Variants in CADM1 observed in about 807,000 individuals in gnomAD.
The protein encoded by CADM1 is cell adhesion molecule 1, also known as TSLC-1.
In CADM1, 15 loss-of-function variants were observed where a neutral mutation model predicts 53.1. That is an observed-to-expected ratio of 0.28 (90% CI 0.19 to 0.44). The LOEUF is 0.44. Among genes scored for constraint, CADM1 ranks in the 20% least tolerant of loss-of-function variants. CADM1 has a pLI of 1.00. For synonymous variants in CADM1, 281 were observed against 243.0 expected, an observed-to-expected ratio of 1.16 and a Z score of -1.45; for missense variants, 434 against 611.3, an observed-to-expected ratio of 0.71 and a Z score of 3.06.
chr11:115,232,257 C>CT (rs1941846483), intron 3 of CADM1, among the ~76,000 whole-genome samples: 1 of 152,114 alleles, frequency 6.6e-6, no homozygotes. Flanking sequence ...AGATAAAAAT[C>CT]TTTGAGTCCC....
At chr11:115,496,783 C>A (rs915377372) in intron 1 of CADM1, among the ~76,000 whole-genome samples, 2 of 151,982 alleles carry the variant, frequency 1.3e-5, no homozygotes, top group Non-Finnish European at 1.5e-5. Context: ...TATTTCAGTG[C>A]AAGCAGGAAA....
chr11:115,276,250 A>C (rs1943440244), intron 1 of CADM1, among the ~76,000 whole-genome samples: 1 of 152,222 alleles, frequency 6.6e-6, no homozygotes, highest in Non-Finnish European at 1.5e-5. Context: ...TTTAATTTCC[A>C]CTTGCAATGC....
chr11:115,220,180 G>A (rs755427190), intron 5 of CADM1, among the ~76,000 whole-genome samples: 5 of 152,038 alleles, frequency 3.3e-5, no homozygotes, highest in Non-Finnish European at 7.4e-5. Context: ...TTTCCTTAAT[G>A]TAATTTACAA....
intron 1 of CADM1, among the ~76,000 whole-genome samples, chr11:115,273,316 A>AT (rs1041269759): frequency 9.2e-5 from 14 of 152,182 alleles, no homozygotes; most frequent in Non-Finnish European, 1.3e-4. Flanking sequence ...GTGGTGGTTT[A>AT]TTTTTTTTCC....
At chr11:115,190,962 GT>G (rs1565287598) in intron 9 of CADM1, 21 bp from the exon 10 acceptor site, 6 of 1,577,616 alleles carry the variant, frequency 3.8e-6, no homozygotes. Context: ...AAAACAAATC[GT>G]TTTTCTTTTC....
At chr11:115,231,583 G>A in intron 3 of CADM1, 93 bp from the exon 4 acceptor site, 1 of 1,196,638 alleles carries the variant, frequency 8.4e-7, no homozygotes, top group Non-Finnish European at 1.2e-6. Context: ...TTCCTGATGG[G>A]AATTTAAATC....
chr11:115,315,843 C>G (rs1237971213), intron 1 of CADM1, among the ~76,000 whole-genome samples: 1 of 152,154 alleles, frequency 6.6e-6, no homozygotes, highest in Non-Finnish European at 1.5e-5. Flanking sequence ...CTTTCTTTCC[C>G]ATTTTAGTTA....
chr11:115,232,218 A>C (rs10458968), intron 3 of CADM1, among the ~76,000 whole-genome samples: 1 of 152,134 alleles, frequency 6.6e-6, no homozygotes, highest in Admixed American at 6.5e-5. Flanking sequence ...TCAATCTTCA[A>C]ATGAAAGATT....
intron 9 of CADM1, among the ~76,000 whole-genome samples, chr11:115,191,543 G>C (rs1372146826): frequency 6.6e-6 from 1 of 152,116 alleles, no homozygotes; most frequent in Non-Finnish European, 1.5e-5. Flanking sequence ...AACCCTCAAA[G>C]CTGAAAAAGC....
intron 1 of CADM1, among the ~76,000 whole-genome samples, chr11:115,338,891 AAT>A (rs1565373783): frequency 6.1e-5 from 4 of 65,674 alleles, no homozygotes; most frequent in East Asian, 3.3e-4. Flanking sequence ...TTTTTTTTTT[AAT>A]TTTTTTTTTT....
At position 115,209,663 on chromosome 11, in the gene CADM1, T is replaced by G; in HGVS notation, c.995-6A>C. 1 of 1,609,834 alleles carries G rather than the reference T, an allele frequency of 6.2e-7. No homozygotes were observed. The highest frequency in any genetic ancestry group is 1.7e-4 in the Middle Eastern group (1 of 6,018). ...AGGGATAGTTGTGGGGGGATCTGGATAGAAAAAAAAAGGAAAATCAAACCC... is the reference window on the plus strand; with the variant it reads ...AGGGATAGTTGTGGGGGGATCTGGAGAGAAAAAAAAAGGAAAATCAAACCC... On this transcript the variant is annotated splice_region_variant and splice_polypyrimidine_tract_variant and intron_variant, in intron 7 of 11. Transcript: ENST00000331581.
intron 1 of CADM1, among the ~76,000 whole-genome samples, chr11:115,431,669 C>G (rs1281066572): frequency 6.6e-6 from 1 of 152,066 alleles, no homozygotes; most frequent in Non-Finnish European, 1.5e-5. Context: ...TAATGGCTTT[C>G]TTTCAATTCC....
intron 7 of CADM1, among the ~76,000 whole-genome samples, chr11:115,213,776 G>A (rs560509346): frequency 5.9e-5 from 9 of 152,190 alleles, no homozygotes; most frequent in Middle Eastern, 3.4e-3. Flanking sequence ...TTGAAATGCC[G>A]ATGCCTCTGG....
intron 1 of CADM1, among the ~76,000 whole-genome samples, chr11:115,502,157 G>A (rs182732224): frequency 6.0e-4 from 91 of 152,098 alleles, no homozygotes; most frequent in Non-Finnish European, 1.1e-3. Context: ...ACTTCTCACC[G>A]CGAGATAGTT....
rs1939003018 is a variant in CADM1 at position 115,175,862 on chromosome 11, C to T, written c.*612G>A. 3 of 994,134 alleles carry T rather than the reference C, an allele frequency of 3.0e-6. No homozygotes were observed. In the South Asian group the frequency reaches 1.3e-4, roughly 45 times the overall value. The allele number at this position is 994,134 out of a possible 1,614,324, so 61.6% of individuals were successfully genotyped here. On this transcript the variant is annotated 3_prime_UTR_variant, in exon 12 of 12. Transcript: ENST00000331581. ...AACATGGGCAGCAGCAAAGAGTTTTCATTGTTTGTTCACCCAAATCTTTAC... is the reference window on the plus strand; with the variant it reads ...AACATGGGCAGCAGCAAAGAGTTTTTATTGTTTGTTCACCCAAATCTTTAC...
chr11:115,372,190 C>T (rs562277204), intron 1 of CADM1, among the ~76,000 whole-genome samples: 65 of 152,282 alleles, frequency 4.3e-4, no homozygotes, highest in African/African-American at 1.6e-3. Flanking sequence ...AATTCATGTG[C>T]TTTCTTTAAT....
intron 1 of CADM1, among the ~76,000 whole-genome samples, chr11:115,309,697 A>C (rs866306048): frequency 1.3e-5 from 2 of 152,226 alleles, no homozygotes; most frequent in African/African-American, 2.4e-5. Context: ...CAGCCGTGAG[A>C]TGTTAGTTCC....
At chr11:115,425,677 G>A (rs908041768) in intron 1 of CADM1, among the ~76,000 whole-genome samples, 4 of 152,130 alleles carry the variant, frequency 2.6e-5, no homozygotes, top group African/African-American at 7.2e-5. Flanking sequence ...TTTGATGTGC[G>A]GAGTTTCTAA....
At chr11:115,178,467 T>C (rs1474725405) in intron 11 of CADM1, among the ~76,000 whole-genome samples, 177 bp downstream of exon 11, 4 of 151,186 alleles carry the variant, frequency 2.6e-5, no homozygotes, top group African/African-American at 9.7e-5. Flanking sequence ...CAGCGGCTGC[T>C]AAGATTTCTG....
Sources: gnomAD v4.1 joint callset for allele counts (sites outside exome capture counted in the v4.1 genomes callset) on GRCh38, gnomAD v4.1.1 for gene constraint, MANE v1.5 for transcripts, NCBI Gene and HGNC (gene_info 2026-07-23, HGNC 2026-07-21) for gene names.